The following GCLM variants were observed in gnomAD, a reference collection of about 807,000 sequenced individuals.
GCLM encodes glutamate-cysteine ligase modifier subunit.
A neutral mutation model predicts 36.0 loss-of-function variants in GCLM; 15 were observed. The ratio of observed to expected loss-of-function variants is 0.42; its 90% CI spans 0.28 to 0.64. GCLM has a LOEUF of 0.64. GCLM is among the 30% of genes least tolerant of loss of function. The probability of loss-of-function intolerance (pLI) is 0.25; values close to 1 mark genes in which losing one functional copy is unlikely to be tolerated. For synonymous variants in GCLM, 129 were observed against 122.8 expected, an observed-to-expected ratio of 1.05 and a Z score of -0.34; for missense variants, 242 against 325.5, an observed-to-expected ratio of 0.74 and a Z score of 1.97.
intron 3 of GCLM, among the ~76,000 whole-genome samples, chr1:93,900,928 A>T (rs1557730765): frequency 6.6e-6 from 1 of 152,182 alleles, no homozygotes; most frequent in South Asian, 2.1e-4. Flanking sequence ...TAGAAGAGAA[A>T]ACTGAGACTC....
intron 3 of GCLM, among the ~76,000 whole-genome samples, chr1:93,898,983 GC>G (rs1656846691): frequency 6.6e-6 from 1 of 152,078 alleles, no homozygotes; most frequent in African/African-American, 2.4e-5. Flanking sequence ...AAAAAGAATT[GC>G]CAGTCTCATC....
Position 93,887,892 on chromosome 1 carries a change from C to T in GCLM, c.*1098G>A, listed in dbSNP as rs553013659. 3 of 152,196 alleles carry T rather than the reference C, an allele frequency of 2.0e-5. No individual in the cohort carries two copies. Among genetic ancestry groups the T allele is most frequent in the East Asian group, 3.9e-4 (2 of 5,172 alleles). 9.4% of individuals were successfully genotyped at this position (152,196 alleles called of 1,614,324 possible). A position where few individuals can be genotyped will look rare whatever the true frequency, so the allele number is the denominator to read the frequency against. On this transcript the variant is annotated 3_prime_UTR_variant, in exon 7 of 7. Coordinates refer to ENST00000370238, the MANE Select transcript of GCLM (RefSeq NM_002061.4). ...CTTATTTATTTGCAATTTTGTGGTT[C>T]GTAAACTAATGAAGAATTATACTAA...
chr1:93,891,562 C>T (rs1441676734), intron 6 of GCLM, among the ~76,000 whole-genome samples: 2 of 152,186 alleles, frequency 1.3e-5, no homozygotes, highest in South Asian at 2.1e-4. Context: ...TCTGTCTCCT[C>T]CCATTAGAAT....
At position 93,897,902 on chromosome 1, in the gene GCLM, G is replaced by A. The variant is rs372978818; in HGVS notation, c.278-4C>T. ...GATTCTACAATGAACAGTTTTGCTG[G>A]GTAACAAAGAAAACAAAACTGATTA... On this transcript the variant is annotated splice_region_variant and splice_polypyrimidine_tract_variant and intron_variant, in intron 3 of 6. Transcript: ENST00000370238. 17 of 1,528,316 alleles carry A rather than the reference G, an allele frequency of 1.1e-5. No individual in the cohort carries two copies. Among genetic ancestry groups the A allele is most frequent in the Non-Finnish European group, 1.5e-5 (17 of 1,141,934 alleles). The allele number at this position is 1,528,316 out of a possible 1,614,324, so 94.7% of individuals were successfully genotyped here.
At chr1:93,896,866 AAAC>A in intron 4 of GCLM, 46 bp from the exon 5 acceptor site, 1 of 1,051,894 alleles carries the variant, frequency 9.5e-7, no homozygotes, top group Non-Finnish European at 1.5e-6. Flanking sequence ...TACATCATAA[AAAC>A]AAATATTTCT....
intron 3 of GCLM, among the ~76,000 whole-genome samples, chr1:93,899,212 T>C (rs1404456100): frequency 6.6e-6 from 1 of 151,990 alleles, no homozygotes; most frequent in Non-Finnish European, 1.5e-5. Flanking sequence ...TAGCTGGGAT[T>C]ATAGGCCTGC....
chr1:93,890,582 TA>T (rs1222708491), intron 6 of GCLM, among the ~76,000 whole-genome samples: 2 of 152,176 alleles, frequency 1.3e-5, no homozygotes, highest in African/African-American at 4.8e-5. Context: ...TTTGAATACT[TA>T]AATCATTGCA....
intron 1 of GCLM, 73 bp downstream of exon 1, chr1:93,908,965 T>C: frequency 8.1e-7 from 1 of 1,241,344 alleles, no homozygotes; most frequent in African/African-American, 1.6e-5. Context: ...CGGGCGCTTC[T>C]CCCTTGCCGG....
intron 6 of GCLM, among the ~76,000 whole-genome samples, chr1:93,893,287 G>A (rs971250618): frequency 4.6e-5 from 7 of 152,150 alleles, no homozygotes; most frequent in Non-Finnish European, 1.0e-4. Context: ...AGTTTCCGTT[G>A]TTGTGAGGAT....
At chr1:93,897,160 C>T (rs1250397391) in intron 4 of GCLM, among the ~76,000 whole-genome samples, 2 of 152,150 alleles carry the variant, frequency 1.3e-5, no homozygotes, top group African/African-American at 4.8e-5. Flanking sequence ...CCCTTATCTT[C>T]ATAAAATTTT....
intron 6 of GCLM, 63 bp downstream of exon 6, chr1:93,894,551 C>A (rs769211): frequency 0.25 from 222,120 of 885,808 alleles, 29,253 homozygotes; most frequent in Admixed American, 0.37. Flanking sequence ...TATGTATCAA[C>A]AAATACCTTT....
chr1:93,892,898 AG>A (rs2100908456), intron 6 of GCLM, among the ~76,000 whole-genome samples: 1 of 152,340 alleles, frequency 6.6e-6, no homozygotes, highest in South Asian at 2.1e-4. Context: ...GCCTCCAAAA[AG>A]TAAACAGACA....
At chr1:93,903,455 C>T (rs186528287) in intron 2 of GCLM, among the ~76,000 whole-genome samples, 17 of 149,242 alleles carry the variant, frequency 1.1e-4, no homozygotes, top group African/African-American at 3.4e-4. Flanking sequence ...GGATTACAGG[C>T]GGGTACCACC....
In GCLM at chr1:93,897,887, T is replaced by C. The variant is rs746595499; in HGVS notation, c.289A>G (p.Ile97Val). 8 of 1,546,940 alleles carry C rather than the reference T, an allele frequency of 5.2e-6. No individual in the cohort carries two copies. Among genetic ancestry groups the C allele is most frequent in the Admixed American group, 4.6e-5 (2 of 43,926 alleles). Residue 97 changes from isoleucine to valine, a missense_variant, in exon 4 of 7, where the codon ATT becomes GTT. By Grantham distance (29) the Ile-to-Val change is conservative (BLOSUM62 3). Transcript: ENST00000370238. ...GATGATGAAGAGTTTGATTCTACAA[T>C]GAACAGTTTTGCTGGGTAACAAAGA... ...EEMKVSAKLF[I>V]VESNSSSSTR... is the part of the protein sequence containing the mutation.
chr1:93,891,700 G>A (rs17881873), intron 6 of GCLM, among the ~76,000 whole-genome samples: 132 of 152,256 alleles, frequency 8.7e-4, no homozygotes, highest in African/African-American at 3.1e-3. Context: ...TTCCACTGGG[G>A]TCAGAAGCAA....
intron 5 of GCLM, among the ~76,000 whole-genome samples, chr1:93,895,891 T>C (rs1557728281): frequency 6.6e-6 from 1 of 151,890 alleles, no homozygotes; most frequent in African/African-American, 2.4e-5. Context: ...CTGTTATATA[T>C]AAAATATTCC....
At position 93,888,438 on chromosome 1, in the gene GCLM, A is replaced by T. The variant is rs1379008955; in HGVS notation, c.*552T>A. 3.3e-5 allele frequency: 5 copies of T among 152,358 alleles called. No homozygotes were observed. Among genetic ancestry groups the T allele is most frequent in the African/African-American group, 1.2e-4 (5 of 41,588 alleles). 9.4% of individuals were successfully genotyped at this position (152,358 alleles called of 1,614,324 possible). On this transcript the variant is annotated 3_prime_UTR_variant, in exon 7 of 7. Transcript: ENST00000370238. ...CTATAAGCAAGGACACATAAAAAAA[A>T]ATTTAAGTTTCCATTCATGTATTGA...
rs1282746587 is a variant in GCLM, at chr1:93,890,234, G to A, written c.656-1075C>T. 2.0e-5 allele frequency among the ~76,000 whole-genome samples: 3 copies of A among 151,986 alleles called. No individual in the cohort carries two copies. In the East Asian group the frequency reaches 5.8e-4, roughly 29 times the overall value. On this transcript the variant is annotated intron_variant, in intron 6 of 6. Transcript: ENST00000370238. ...CTCGAAAAATATTTTCAAACCAAAAGCGGTTTATTACACACACAAAAAGTT... is the reference window on the plus strand; with the variant it reads ...CTCGAAAAATATTTTCAAACCAAAAACGGTTTATTACACACACAAAAAGTT...
chr1:93,908,765 T>G, intron 1 of GCLM: 1 of 260,984 alleles, frequency 3.8e-6, no homozygotes, highest in East Asian at 6.8e-5. Flanking sequence ...CCAGGATGTT[T>G]GAGAGTTTTG....
Sources: allele counts gnomAD v4.1 joint callset (sites outside exome capture counted in the v4.1 genomes callset), GRCh38; gene constraint gnomAD v4.1.1; transcripts MANE v1.5; gene names NCBI Gene and HGNC (gene_info 2026-07-23, HGNC 2026-07-21).